Variants in THOP1 observed in about 807,000 individuals in gnomAD.
THOP1 encodes the protein thimet oligopeptidase 1, also known as thimet oligopeptidase.
A neutral mutation model predicts 71.8 loss-of-function variants in THOP1; 49 were observed. The ratio of observed to expected loss-of-function variants is 0.68; its 90% CI spans 0.54 to 0.87. The LOEUF (loss-of-function observed/expected upper bound fraction) is 0.87, where lower values mean the gene tolerates loss of function less well. Ranked by LOEUF, THOP1 falls within the 40% of genes least tolerant of loss-of-function variation. The pLI is 0.00. For missense variants in THOP1, 843 were observed against 975.6 expected, an observed-to-expected ratio of 0.86 and a Z score of 1.81; for synonymous variants, 426 against 421.5, an observed-to-expected ratio of 1.01 and a Z score of -0.13.
At chr19:2,812,191 A>T in intron 12 of THOP1, 1 of 1,500,746 alleles carries the variant, frequency 6.7e-7, no homozygotes, top group Non-Finnish European at 8.9e-7. Flanking sequence ...TGCTCCTCCA[A>T]CCTCCAGTTT....
At chr19:2,785,756 G>T (rs1915726095) in intron 1 of THOP1, 78 bp downstream of exon 1, 2 of 1,275,940 alleles carry the variant, frequency 1.6e-6, no homozygotes. Context: ...TGGGCCTAAG[G>T]CTGGAGCGAA....
chr19:2,800,580 T>G (rs2144769150), intron 5 of THOP1, among the ~76,000 whole-genome samples: 1 of 152,364 alleles, frequency 6.6e-6, no homozygotes, highest in South Asian at 2.1e-4. Context: ...AAGGCCCTCA[T>G]GGCCGGAGGC....
At position 2,785,628 on chromosome 19, in the gene THOP1, G is replaced by A. The variant is rs1462985543; in HGVS notation, c.-35G>A. 1 of 1,506,532 alleles carries A rather than the reference G, an allele frequency of 6.6e-7. No homozygotes were observed. 93.3% of individuals were successfully genotyped at this position (1,506,532 alleles called of 1,614,324 possible). ...GTGGCTGGACGCGTAGCAGGTGGAA[G>A]GAGGGAGGGAGCCGCAGGCGCAGAC... is the stretch of plus-strand genomic sequence containing the variant. On this transcript the variant is annotated 5_prime_UTR_variant, in exon 1 of 13. Coordinates refer to ENST00000307741, the MANE Select transcript of THOP1 (RefSeq NM_003249.5).
intron 4 of THOP1, 88 bp from the exon 5 acceptor site, chr19:2,799,601 C>A (rs1414111780): frequency 4.7e-6 from 5 of 1,064,664 alleles, no homozygotes; most frequent in Non-Finnish European, 7.1e-6. Context: ...ATCCCTCAGC[C>A]CTCGGCGAGA....
At position 2,805,165 on chromosome 19, in the gene THOP1, C is replaced by A. The variant is rs373020872; in HGVS notation, c.739C>A (p.Arg247=). ...RRKVEEAFNC[R]CKEENCAILK... Reference sequence around the variant, plus strand: ...GAAAGTGGAGGAGGCCTTCAACTGCCGGTGCAAGGAGGTGAGAAGGCACGG... The same window carrying A: ...GAAAGTGGAGGAGGCCTTCAACTGCAGGTGCAAGGAGGTGAGAAGGCACGG... Residue 247 remains arginine, a synonymous_variant, in exon 6 of 13, where the codon CGG becomes AGG. Coordinates refer to ENST00000307741, the MANE Select transcript of THOP1 (RefSeq NM_003249.5). This position sits in a 1 kb window ranked among gnomAD's most constrained non-coding sequence, Gnocchi z 6.6. 1 of 1,611,674 alleles carries A rather than the reference C, an allele frequency of 6.2e-7. No homozygotes were observed. Among genetic ancestry groups the A allele is most frequent in the Non-Finnish European group, 8.5e-7 (1 of 1,179,398 alleles).
intron 8 of THOP1, 165 bp downstream of exon 8, chr19:2,807,973 C>A: frequency 3.4e-6 from 3 of 883,714 alleles, no homozygotes; most frequent in Non-Finnish European, 4.9e-6. Context: ...GCCGAAAATG[C>A]AGCTGTCCCC....
chr19:2,799,816 G>A, intron 5 of THOP1, 25 bp downstream of exon 5: 3 of 1,594,064 alleles, frequency 1.9e-6, no homozygotes, highest in Non-Finnish European at 2.6e-6. Context: ...GTGGGGCACG[G>A]GTGGCCATCG....
intron 12 of THOP1, chr19:2,812,093 A>G: frequency 1.5e-6 from 2 of 1,338,194 alleles, no homozygotes; most frequent in Non-Finnish European, 2.0e-6. Context: ...TTCCCATACG[A>G]GTCCTTCCGG....
chr19:2,814,738 G>A lies in THOP1; in HGVS notation c.*1462G>A, dbSNP rs1332514008. ...ATGCCAGCGAGGCGGGAATCCATAA[G>A]TGGGAACACCACAGTGGTCACGTTT... is the stretch of plus-strand genomic sequence containing the variant. On this transcript the variant is annotated 3_prime_UTR_variant, in exon 13 of 13. Coordinates refer to ENST00000307741, the MANE Select transcript of THOP1 (RefSeq NM_003249.5). 4 of 152,452 alleles carry A rather than the reference G, an allele frequency of 2.6e-5. No individual in the cohort carries two copies. Among genetic ancestry groups the A allele is most frequent in the South Asian group, 2.1e-4 (1 of 4,842 alleles). The allele number at this position is 152,452 out of a possible 1,614,324, so 9.4% of individuals were successfully genotyped here.
At position 2,813,024 on chromosome 19, in the gene THOP1, G is replaced by GC. The variant is rs1356366930; in HGVS notation, c.1909-85dup. ...GGAACCTGGAAGGGGTTGCTCCGAG[G>GC]CCCCCCTGGGCGAGGGTGTGCAGAC... On this transcript the variant is annotated intron_variant, in intron 12 of 12. Transcript: ENST00000307741. 4.9e-6 allele frequency: 7 copies of GC among 1,442,482 alleles called. No individual in the cohort carries two copies. In the East Asian group the frequency reaches 1.5e-4, roughly 31 times the overall value. The allele number at this position is 1,442,482 out of a possible 1,614,324, so 89.4% of individuals were successfully genotyped here.
chr19:2,794,581 C>T (rs1249450877), intron 2 of THOP1, among the ~76,000 whole-genome samples, 183 bp from the exon 3 acceptor site: 1 of 152,168 alleles, frequency 6.6e-6, no homozygotes, highest in Non-Finnish European at 1.5e-5. Flanking sequence ...TTTCTCCATC[C>T]CAGGGCCCAG....
In THOP1 at chr19:2,813,920, G is replaced by C. The variant is rs1201543318; in HGVS notation, c.*644G>C. ...CAGAGAGTCTGGAAAGTCAGGGCAG[G>C]CCCTGTGCGCACAGGCAGCCGGGGC... On this transcript the variant is annotated 3_prime_UTR_variant, in exon 13 of 13. Coordinates refer to ENST00000307741, the MANE Select transcript of THOP1 (RefSeq NM_003249.5). The C allele has an allele frequency of 6.6e-6, 1 of 152,482 alleles. No homozygotes were observed. The highest frequency in any genetic ancestry group is 2.4e-5 in the African/African-American group (1 of 41,434). The allele number at this position is 152,482 out of a possible 1,614,324, so 9.4% of individuals were successfully genotyped here. A position where few individuals can be genotyped will look rare whatever the true frequency, so the allele number is the denominator to read the frequency against.
At chr19:2,803,411 GTGA>G (rs757034530) in intron 5 of THOP1, among the ~76,000 whole-genome samples, 2 of 152,254 alleles carry the variant, frequency 1.3e-5, no homozygotes, top group Non-Finnish European at 2.9e-5. Flanking sequence ...CAGGGCCACA[GTGA>G]ACGTGAACTA....
At chr19:2,803,424 A>G (rs1207123401) in intron 5 of THOP1, among the ~76,000 whole-genome samples, 3 of 152,158 alleles carry the variant, frequency 2.0e-5, no homozygotes, top group Non-Finnish European at 2.9e-5. Context: ...AACGTGAACT[A>G]TGCATTCGTG....
chr19:2,790,634 G>C lies in THOP1; in HGVS notation c.229+1G>C. On this transcript the variant is annotated splice_donor_variant, in intron 2 of 12. Coordinates refer to ENST00000307741, the MANE Select transcript of THOP1 (RefSeq NM_003249.5). LOFTEE classifies it high-confidence loss of function. ...GCCGATGTGGAGGTCACCTACACAG[G>C]TAAGTCCCAGGCAGGGTCTGTGCGT... The C allele has an allele frequency of 6.5e-7, 1 of 1,548,294 alleles. No homozygotes were observed. Among genetic ancestry groups the C allele is most frequent in the Non-Finnish European group, 8.7e-7 (1 of 1,148,122 alleles).
rs748248608 is a variant in THOP1 at position 2,811,742 on chromosome 19, G to A, written c.1908+8G>A. On this transcript the variant is annotated splice_region_variant and intron_variant, in intron 12 of 12. Transcript: ENST00000307741. Reference sequence around the variant, plus strand: ...GGTGTCCTGAACAGCAAGGTACGCGGGGACTGGGGACAGGGAGGGCGTCCT... The same window carrying A: ...GGTGTCCTGAACAGCAAGGTACGCGAGGACTGGGGACAGGGAGGGCGTCCT... 1 of 1,573,436 alleles carries A rather than the reference G, an allele frequency of 6.4e-7. No individual in the cohort carries two copies. The highest frequency in any genetic ancestry group is 1.7e-4 in the Middle Eastern group (1 of 5,772).
chr19:2,790,288 C>T, intron 1 of THOP1, 133 bp from the exon 2 acceptor site: 1 of 808,932 alleles, frequency 1.2e-6, no homozygotes. Flanking sequence ...TCTGTGCTTC[C>T]CTACAAGAGC....
intron 11 of THOP1, 33 bp from the exon 12 acceptor site, chr19:2,811,565 T>C (rs758816038): frequency 1.8e-5 from 28 of 1,599,212 alleles, no homozygotes; most frequent in Non-Finnish European, 2.1e-5. Context: ...GGGTGGGGGC[T>C]ACAGCGTGAA....
intron 2 of THOP1, among the ~76,000 whole-genome samples, chr19:2,792,036 G>A (rs1624295): frequency 0.37 from 55,826 of 151,994 alleles, 10,839 homozygotes; most frequent in East Asian, 0.63. Context: ...AGTCCACTTC[G>A]CCCAGGAGCC....
Sources: allele counts gnomAD v4.1 joint callset (sites outside exome capture counted in the v4.1 genomes callset), GRCh38; gene constraint gnomAD v4.1.1; non-coding constraint Gnocchi (gnomAD v3.1); transcripts MANE v1.5; gene names NCBI Gene and HGNC (gene_info 2026-07-23, HGNC 2026-07-21).